Variants in MYO16 observed in about 807,000 individuals in gnomAD.
The protein encoded by MYO16 is myosin XVI, also known as unconventional myosin-XVI.
In MYO16, 94 loss-of-function variants were observed where a neutral mutation model predicts 205.3. The observed-to-expected ratio is 0.46, with a 90% CI of 0.39 to 0.54. The LOEUF (loss-of-function observed/expected upper bound fraction) is 0.54. Among genes scored for constraint, MYO16 ranks in the 20% least tolerant of loss-of-function variants. The pLI is 0.00. For missense variants in MYO16, 2,315 were observed against 2,387.5 expected (o/e 0.97, Z 0.63); for synonymous variants, 988 against 954.0 (o/e 1.04, Z -0.66).
chr13:108,848,189 G>A (rs1047205944), intron 10 of MYO16, among the ~76,000 whole-genome samples: 1 of 152,104 alleles, frequency 6.6e-6, no homozygotes, highest in Non-Finnish European at 1.5e-5. Flanking sequence ...CTGACTGTAT[G>A]TGACTGACTG....
At chr13:108,810,445 C>T (rs1353530522) in intron 7 of MYO16, among the ~76,000 whole-genome samples, 1 of 152,130 alleles carries the variant, frequency 6.6e-6, no homozygotes, top group Non-Finnish European at 1.5e-5. Context: ...AGATACTCTT[C>T]TTTTACTCAG....
intron 2 of MYO16, among the ~76,000 whole-genome samples, chr13:108,675,652 C>T (rs976783920): frequency 1.3e-5 from 2 of 152,124 alleles, no homozygotes; most frequent in African/African-American, 4.8e-5. Context: ...GGTAGGATGA[C>T]ACGAATCTGA....
chr13:108,795,431 A>G (rs1413330717), intron 6 of MYO16, among the ~76,000 whole-genome samples: 2 of 152,046 alleles, frequency 1.3e-5, no homozygotes, highest in Admixed American at 6.6e-5. Flanking sequence ...GCTGGTCTCG[A>G]TCTTCTGACC....
At chr13:108,825,238 A>C (rs1876187960) in intron 9 of MYO16, among the ~76,000 whole-genome samples, 1 of 152,126 alleles carries the variant, frequency 6.6e-6, no homozygotes. Flanking sequence ...AAGGCTGAGC[A>C]TTCAAAAATC....
At chr13:108,585,557 G>A in the MYO16 span, among the ~76,000 whole-genome samples, 1 of 152,110 alleles carries the variant, frequency 6.6e-6, no homozygotes, top group Non-Finnish European at 1.5e-5. Flanking sequence ...TCCTGGATCT[G>A]GAAAGAAAGG....
At chr13:109,090,239 C>T (rs1888577046) in intron 27 of MYO16, among the ~76,000 whole-genome samples, 1 of 152,182 alleles carries the variant, frequency 6.6e-6, no homozygotes, top group East Asian at 1.9e-4. Context: ...AACTGAGAAG[C>T]CTCATACGGG....
At chr13:109,019,594 A>G (rs1346696267) in intron 22 of MYO16, 117 bp from the exon 23 acceptor site, 1 of 762,184 alleles carries the variant, frequency 1.3e-6, no homozygotes, top group Non-Finnish European at 2.1e-6. Flanking sequence ...AGACTGATTC[A>G]TTTTCTGAGT....
chr13:108,642,016 C>A (rs1371919897), intron 1 of MYO16, among the ~76,000 whole-genome samples: 1 of 152,154 alleles, frequency 6.6e-6, no homozygotes, highest in African/African-American at 2.4e-5. Context: ...GGTCTCTTAG[C>A]TACTTTGCAA....
the MYO16 span, among the ~76,000 whole-genome samples, chr13:108,587,593 C>T: frequency 7.2e-4 from 110 of 152,144 alleles, no homozygotes; most frequent in East Asian, 2.9e-3. Flanking sequence ...TTGAGATTGA[C>T]AAGGTATATT....
At chr13:108,686,236 C>T (rs952650587) in intron 2 of MYO16, among the ~76,000 whole-genome samples, 1 of 152,200 alleles carries the variant, frequency 6.6e-6, no homozygotes, top group African/African-American at 2.4e-5. Flanking sequence ...CTGGGAGCAG[C>T]TGGTGATGTG....
chr13:109,107,229 T>C (rs574622421), intron 28 of MYO16, among the ~76,000 whole-genome samples: 11 of 152,368 alleles, frequency 7.2e-5, no homozygotes, highest in African/African-American at 2.2e-4. Flanking sequence ...TTGTGTTTAC[T>C]TGTGAACAAA....
chr13:108,972,594 A>G (rs1027253118), intron 20 of MYO16, among the ~76,000 whole-genome samples: 2 of 150,488 alleles, frequency 1.3e-5, no homozygotes, highest in African/African-American at 2.4e-5. Flanking sequence ...AAATAGATAT[A>G]TCAGGATTCA....
At chr13:108,584,019 T>A in the MYO16 span, among the ~76,000 whole-genome samples, 1 of 152,210 alleles carries the variant, frequency 6.6e-6, no homozygotes, top group African/African-American at 2.4e-5. Context: ...AGTGGCACGA[T>A]CTTGGCTCAC....
At position 108,909,942 on chromosome 13, in the gene MYO16, A is replaced by C. The variant is rs1316026030; in HGVS notation, c.1778-61A>C. Reference sequence around the variant, plus strand: ...CTCTTGTAATTAATTAATATGTGTTAATTTATGGAAATGAAATGAATACTG... The same window carrying C: ...CTCTTGTAATTAATTAATATGTGTTCATTTATGGAAATGAAATGAATACTG... On this transcript the variant is annotated intron_variant, in intron 15 of 34. Coordinates refer to ENST00000457511, the MANE Select transcript of MYO16 (RefSeq NM_001198950.3). The C allele has an allele frequency of 2.0e-6, 3 of 1,503,230 alleles. No individual in the cohort carries two copies. The East Asian group carries it at 6.8e-5, about 34-fold the overall frequency. 93.1% of individuals were successfully genotyped at this position (1,503,230 alleles called of 1,614,324 possible).
intron 9 of MYO16, among the ~76,000 whole-genome samples, chr13:108,827,705 G>A (rs554892664): frequency 5.3e-5 from 8 of 152,184 alleles, no homozygotes; most frequent in African/African-American, 1.9e-4. Context: ...TCTTCACTCT[G>A]CTCCTCAGTT....
chr13:108,768,503 A>G (rs960924271), intron 4 of MYO16, among the ~76,000 whole-genome samples: 5 of 152,198 alleles, frequency 3.3e-5, no homozygotes, highest in African/African-American at 1.2e-4. Context: ...AATTTCCAAA[A>G]CATAGAATAA....
chr13:109,104,766 A>C (rs1416321445), intron 28 of MYO16, among the ~76,000 whole-genome samples: 2 of 150,666 alleles, frequency 1.3e-5, no homozygotes, highest in Non-Finnish European at 3.0e-5. Flanking sequence ...ACAGTTTATT[A>C]GGCTATTCCG....
chr13:108,969,311 TA>T (rs1883918277), intron 20 of MYO16, among the ~76,000 whole-genome samples: 1 of 152,360 alleles, frequency 6.6e-6, no homozygotes, highest in South Asian at 2.1e-4. Flanking sequence ...TTGACTTTTC[TA>T]AAATTGTTTA....
intron 4 of MYO16, among the ~76,000 whole-genome samples, chr13:108,775,541 T>C (rs962842812): frequency 9.9e-5 from 15 of 152,154 alleles, no homozygotes; most frequent in Middle Eastern, 3.4e-3. Context: ...AAAGCTAACA[T>C]AATACCTTAT....
Sources: allele counts gnomAD v4.1 joint callset (sites outside exome capture counted in the v4.1 genomes callset), GRCh38; gene constraint gnomAD v4.1.1; transcripts MANE v1.5; gene names NCBI Gene and HGNC (gene_info 2026-07-23, HGNC 2026-07-21).